Variants in CHD6 observed in about 807,000 individuals in gnomAD.
CHD6 encodes the protein ATP-dependent chromatin remodeler CHD6.
CHD6 carries 50 observed loss-of-function variants against 276.9 expected under a neutral mutation model. The ratio of observed to expected loss-of-function variants is 0.18; its 90% CI spans 0.14 to 0.23. The LOEUF is 0.23. CHD6 is among the 10% of genes least tolerant of loss of function. The pLI is 1.00. For missense variants in CHD6, 2,564 were observed against 3,365.8 expected (o/e 0.76, Z 5.89); for synonymous variants, 1,173 against 1,229.3 (o/e 0.95, Z 0.96).
At chr20:41,414,393 A>T (rs975392481) in intron 34 of CHD6, 1 of 154,100 alleles carries the variant, frequency 6.5e-6, no homozygotes, top group African/African-American at 2.4e-5. Context: ...GTTGTGAGGA[A>T]CAAACAAGAT....
chr20:41,463,530 T>G (rs2042850062), intron 17 of CHD6, among the ~76,000 whole-genome samples: 1 of 152,192 alleles, frequency 6.6e-6, no homozygotes, highest in Non-Finnish European at 1.5e-5. Flanking sequence ...TGTGATATAT[T>G]GAGATGGCTG....
At chr20:41,426,286 T>C (rs925205062) in intron 27 of CHD6, 133 bp from the exon 28 acceptor site, 14 of 724,426 alleles carry the variant, frequency 1.9e-5, no homozygotes, top group African/African-American at 1.9e-4. Flanking sequence ...CAGACCAAGA[T>C]AGGACCTGAT....
In CHD6 at chr20:41,519,778, A is replaced by T. The variant is rs943865722; in HGVS notation, c.555-4826T>A. On this transcript the variant is annotated intron_variant, in intron 3 of 36. Coordinates refer to ENST00000373233, the MANE Select transcript of CHD6 (RefSeq NM_032221.5). Reference sequence around the variant, plus strand: ...CACAGGCATGGGCAAGGACTTCATGACTAAAACACCAAAAGCAATGGCAAC... The same window carrying T: ...CACAGGCATGGGCAAGGACTTCATGTCTAAAACACCAAAAGCAATGGCAAC... Among the ~76,000 whole-genome samples the T allele has an allele frequency of 2.6e-5, 4 of 152,308 alleles. No individual in the cohort carries two copies. In the East Asian group the frequency reaches 5.8e-4, roughly 22 times the overall value.
intron 2 of CHD6, among the ~76,000 whole-genome samples, chr20:41,545,091 T>C (rs992132166): frequency 6.6e-6 from 1 of 152,146 alleles, no homozygotes; most frequent in African/African-American, 2.4e-5. Context: ...CTTCTCCGGA[T>C]GTCCTTCTTT....
intron 14 of CHD6, among the ~76,000 whole-genome samples, chr20:41,485,036 G>T (rs1045442536): frequency 2.6e-5 from 4 of 152,184 alleles, no homozygotes; most frequent in African/African-American, 9.7e-5. Context: ...GTAAGAAGTA[G>T]AGATGATCTG....
At chr20:41,518,502 G>A (rs985862023) in intron 3 of CHD6, among the ~76,000 whole-genome samples, 3 of 152,154 alleles carry the variant, frequency 2.0e-5, no homozygotes, top group African/African-American at 7.2e-5. Flanking sequence ...AGCCTGAGGC[G>A]CTACTAGATT....
intron 35 of CHD6, 103 bp from the exon 36 acceptor site, chr20:41,412,366 TTG>T (rs2046866396): frequency 3.0e-6 from 4 of 1,346,114 alleles, no homozygotes; most frequent in Non-Finnish European, 4.2e-6. Flanking sequence ...TCGTCAATGG[TTG>T]TCTGCACAGG....
In CHD6 at chr20:41,430,896, G is replaced by C. The variant is rs1367113984; in HGVS notation, c.4069-4743C>G. Among the ~76,000 whole-genome samples the C allele has an allele frequency of 9.4e-5, 12 of 127,564 alleles. No homozygotes were observed. The Admixed American group carries it at 1.0e-3, about 11-fold the overall frequency. 83.7% of individuals were successfully genotyped at this position (127,564 alleles called of 152,430 possible). On this transcript the variant is annotated intron_variant, in intron 27 of 36. Transcript: ENST00000373233. ...TTTTTTTGAGATGAAGTCTAGCTCTGTCGCCCAGGCTGGAGTGTGGTGGCT... is the reference window on the plus strand; with the variant it reads ...TTTTTTTGAGATGAAGTCTAGCTCTCTCGCCCAGGCTGGAGTGTGGTGGCT...
intron 23 of CHD6, among the ~76,000 whole-genome samples, chr20:41,448,941 G>A (rs910266693): frequency 1.3e-5 from 2 of 148,534 alleles, no homozygotes; most frequent in Admixed American, 6.8e-5. Flanking sequence ...TGCTCTTGTC[G>A]CCCAGGCTGG....
At chr20:41,548,630 C>A (rs2045090086) in intron 2 of CHD6, among the ~76,000 whole-genome samples, 1 of 151,984 alleles carries the variant, frequency 6.6e-6, no homozygotes, top group Non-Finnish European at 1.5e-5. Context: ...CAACAAAAGC[C>A]AAAATTGACA....
intron 5 of CHD6, among the ~76,000 whole-genome samples, chr20:41,500,623 T>C (rs1450594158): frequency 1.3e-5 from 2 of 152,288 alleles, no homozygotes; most frequent in South Asian, 2.1e-4. Context: ...TTTGTTTCTC[T>C]GTTTAAGTAT....
chr20:41,453,207 G>C (rs1314397320), intron 20 of CHD6, among the ~76,000 whole-genome samples: 1 of 151,944 alleles, frequency 6.6e-6, no homozygotes, highest in Non-Finnish European at 1.5e-5. Context: ...TTCTACCCGG[G>C]GTGTGGGCAG....
chr20:41,470,453 C>T lies in CHD6; in HGVS notation c.2664+2869G>A, dbSNP rs149724267. ...CTCCTTACGAACTCCCACCCTGCAT[C>T]TTCCACCTTGGATCTTCCTCAGTGC... On this transcript the variant is annotated intron_variant, in intron 17 of 36. Transcript: ENST00000373233. Among the ~76,000 whole-genome samples the T allele has an allele frequency of 2.8e-3, 427 of 152,304 alleles. 2 individuals carry two copies. Among genetic ancestry groups the T allele is most frequent in the African/African-American group, 9.5e-3 (395 of 41,570 alleles).
Position 41,415,424 on chromosome 20 carries a change from G to A in CHD6, c.6701C>T (p.Pro2234Leu), listed in dbSNP as rs1335549874. The A allele has an allele frequency of 6.2e-7, 1 of 1,612,626 alleles. No homozygotes were observed. Among genetic ancestry groups the A allele is most frequent in the Admixed American group, 1.7e-5 (1 of 59,750 alleles). Residue 2234 changes from proline to leucine, a missense_variant, in exon 34 of 37, where the codon CCA (proline) becomes CTA (leucine). Pro to Leu is a moderately conservative substitution (Grantham distance 98). This residue lies in a region of CHD6 where 1,024 missense variants were observed against 1,047.9 expected (regional missense o/e 0.98). Transcript: ENST00000373233. ...AATCTTAGGGGTGCTGGCGCTCACT[G>A]GGAAAGGGGATGTGGCTCCTGGGGA... is the stretch of plus-strand genomic sequence containing the variant. ...EGSPGATSPF[P>L]VSASTPKIGA... is the part of the protein sequence containing the mutation.
At chr20:41,410,499 G>C (rs1419180718) in intron 36 of CHD6, among the ~76,000 whole-genome samples, 1 of 152,156 alleles carries the variant, frequency 6.6e-6, no homozygotes, top group African/African-American at 2.4e-5. Flanking sequence ...CAAAGAAAAA[G>C]GGTACAGTGC....
intron 23 of CHD6, among the ~76,000 whole-genome samples, chr20:41,448,940 C>A (rs1214018933): frequency 6.7e-6 from 1 of 148,574 alleles, no homozygotes; most frequent in Non-Finnish European, 1.5e-5. Flanking sequence ...TTGCTCTTGT[C>A]GCCCAGGCTG....
Position 41,455,841 on chromosome 20 carries a change from T to A in CHD6, c.2968A>T (p.Ile990Phe), listed in dbSNP as rs779627179. ...DQILQRRTHT[I>F]TIQSEGKGST... The stretch of plus-strand genomic sequence containing the variant: ...CCTTTCCCCTCAGACTGGATGGTGA[T>A]GGTGTGCGTTCGCCTCTGCAGAATC... Residue 990 changes from isoleucine (I) to phenylalanine (F), a missense_variant, in exon 19 of 37, where the codon ATC (isoleucine) becomes TTC (phenylalanine). Ile to Phe is a conservative substitution (Grantham distance 21). Transcript: ENST00000373233. 6.2e-7 allele frequency: 1 copy of A among 1,609,950 alleles called. No homozygotes were observed. The highest frequency in any genetic ancestry group is 8.5e-7 in the Non-Finnish European group (1 of 1,178,328).
intron 2 of CHD6, among the ~76,000 whole-genome samples, chr20:41,545,403 G>GGAGGAGGGAGGA (rs1190415360): frequency 1.3e-5 from 2 of 152,092 alleles, no homozygotes; most frequent in African/African-American, 4.8e-5. Context: ...TTTCCTTTTT[G>GGAGGAGGGAGGA]GAGGAGGGAG....
intron 22 of CHD6, 41 bp from the exon 23 acceptor site, chr20:41,451,146 G>T (rs747256037): frequency 9.5e-6 from 15 of 1,586,044 alleles, no homozygotes; most frequent in South Asian, 2.3e-5. Context: ...GATAGCCAAG[G>T]GGGGTGTTAC....
Sources: allele counts gnomAD v4.1 joint callset (sites outside exome capture counted in the v4.1 genomes callset), GRCh38; gene constraint gnomAD v4.1.1; regional missense constraint gnomAD v4.1.1; transcripts MANE v1.5; gene names NCBI Gene and HGNC (gene_info 2026-07-23, HGNC 2026-07-21).